The following IQSEC1 variants were observed in gnomAD, a reference collection of about 807,000 sequenced individuals.
IQSEC1 encodes IQ motif and Sec7 domain ArfGEF 1, also known as IQ motif and SEC7 domain-containing protein 1.
Under a neutral mutation model 91.0 loss-of-function variants are expected in IQSEC1, and 31 were observed. The ratio of observed to expected loss-of-function variants is 0.34; its 90% confidence interval spans 0.26 to 0.46. The LOEUF (loss-of-function observed/expected upper bound fraction) is 0.46. Among genes scored for constraint, IQSEC1 ranks in the 20% least tolerant of loss-of-function variants. The pLI, the probability that IQSEC1 is intolerant of heterozygous loss-of-function variation, is 1.00. For synonymous variants in IQSEC1, 699 were observed against 662.6 expected, an observed-to-expected ratio of 1.05 and a Z score of -0.84; for missense variants, 1,388 against 1,575.6, an observed-to-expected ratio of 0.88 and a Z score of 2.02.
At chr3:12,976,714 T>C (rs1576093801) in intron 1 of IQSEC1, among the ~76,000 whole-genome samples, 1 of 152,340 alleles carries the variant, frequency 6.6e-6, no homozygotes, top group African/African-American at 2.4e-5. Flanking sequence ...CACCAGAAAG[T>C]AGCTCTGCAA....
intron 2 of IQSEC1, among the ~76,000 whole-genome samples, chr3:13,115,995 C>A (rs974869823): frequency 6.6e-6 from 1 of 152,212 alleles, no homozygotes; most frequent in African/African-American, 2.4e-5. Flanking sequence ...CCTGCAATTA[C>A]GCCCCCTCAG....
intron 1 of IQSEC1, among the ~76,000 whole-genome samples, chr3:13,040,917 G>A (rs548752739): frequency 5.9e-4 from 90 of 152,226 alleles, no homozygotes; most frequent in African/African-American, 2.1e-3. Context: ...GTGGAGCAGG[G>A]TCTGTCCCTC....
chr3:12,952,798 A>G (rs1051138804), intron 1 of IQSEC1, among the ~76,000 whole-genome samples: 11 of 152,288 alleles, frequency 7.2e-5, no homozygotes, highest in African/African-American at 2.6e-4. Flanking sequence ...CACTCCATCC[A>G]GGTCTCTGAA....
At chr3:12,931,089 A>G (rs1016262516) in intron 3 of IQSEC1, among the ~76,000 whole-genome samples, 1 of 152,154 alleles carries the variant, frequency 6.6e-6, no homozygotes, top group Non-Finnish European at 1.5e-5. Flanking sequence ...TATTGATCCC[A>G]GAGAGAAGGC....
At chr3:13,067,284 T>A (rs1705267893) in intron 1 of IQSEC1, among the ~76,000 whole-genome samples, 1 of 152,138 alleles carries the variant, frequency 6.6e-6, no homozygotes, top group Non-Finnish European at 1.5e-5. Context: ...GGCTGTGTCG[T>A]CAGTAGGCTT....
intron 1 of IQSEC1, among the ~76,000 whole-genome samples, chr3:12,952,538 C>T (rs1224933028): frequency 3.3e-5 from 5 of 152,186 alleles, no homozygotes; most frequent in Admixed American, 3.3e-4. Flanking sequence ...CCTCTCCACC[C>T]AGCAACTGAG....
intron 1 of IQSEC1, among the ~76,000 whole-genome samples, chr3:13,190,651 T>C (rs1379625490): frequency 6.6e-6 from 1 of 152,196 alleles, no homozygotes; most frequent in Non-Finnish European, 1.5e-5. Flanking sequence ...AAGGATGGAA[T>C]GACACTGTCT....
intron 1 of IQSEC1, among the ~76,000 whole-genome samples, chr3:13,037,680 C>T (rs1423075171): frequency 1.3e-5 from 2 of 152,144 alleles, no homozygotes; most frequent in African/African-American, 4.8e-5. Context: ...ATGATTCAGC[C>T]TTAAAAGGAA....
intron 1 of IQSEC1, among the ~76,000 whole-genome samples, chr3:13,195,869 T>C (rs1196113798): frequency 2.6e-5 from 4 of 152,192 alleles, no homozygotes; most frequent in Admixed American, 6.5e-5. Flanking sequence ...GGTATCAGTA[T>C]CAATAATACT....
intron 1 of IQSEC1, among the ~76,000 whole-genome samples, chr3:13,234,747 G>A (rs143347976): frequency 5.1e-4 from 78 of 152,254 alleles, no homozygotes; most frequent in Non-Finnish European, 8.1e-4. Context: ...CACAACTCTC[G>A]GGTGTGACTA....
Position 13,037,402 on chromosome 3 carries a change from C to T in IQSEC1, c.23+35590G>A, listed in dbSNP as rs1009051171. Among the ~76,000 whole-genome samples the T allele has an allele frequency of 3.9e-5, 6 of 152,292 alleles. No homozygotes were observed. The Middle Eastern group carries it at 0.014, about 345-fold the overall frequency. Reference sequence around the variant, plus strand: ...GGGACATCACCAAAATACACAAGAACAGGAGAGCAGATACTTAGACCGGGG... The same window carrying T: ...GGGACATCACCAAAATACACAAGAATAGGAGAGCAGATACTTAGACCGGGG... On this transcript the variant is annotated intron_variant, in intron 1 of 13. Coordinates refer to ENST00000613206, the MANE Select transcript of IQSEC1 (RefSeq NM_001134382.3).
At chr3:13,072,633 G>A (rs1705473860) in intron 1 of IQSEC1, among the ~76,000 whole-genome samples, 1 of 152,368 alleles carries the variant, frequency 6.6e-6, no homozygotes, top group East Asian at 1.9e-4. Context: ...CCATGGGCGT[G>A]CTGGGCAGAG....
intron 1 of IQSEC1, among the ~76,000 whole-genome samples, chr3:13,253,998 C>T (rs772579717): frequency 3.3e-5 from 5 of 152,214 alleles, no homozygotes; most frequent in Admixed American, 6.5e-5. Context: ...ACAGGTGATG[C>T]GCCACTCAGG....
In IQSEC1 at chr3:12,935,740, G is replaced by A. The variant is rs551318496; in HGVS notation, c.1276C>T (p.Arg426Trp). 7.5e-6 allele frequency: 12 copies of A among 1,610,656 alleles called. No individual in the cohort carries two copies. Among genetic ancestry groups the A allele is most frequent in the African/African-American group, 4.0e-5 (3 of 74,996 alleles). ...LPREEPELRPRPPRPLDSHLA... is the reference protein window; with the variant it reads ...LPREEPELRPWPPRPLDSHLA... ...TGGCTGTCCAGGGGCCTGGGGGGCC[G>A]GGGCCGCAACTCAGGCTCCTCCCGG... The change falls in exon 3 of 14, where the codon CGG (arginine) becomes TGG (tryptophan). Residue 426 changes from arginine to tryptophan, a missense_variant. Arg to Trp is a moderately radical substitution (Grantham distance 101). Coordinates refer to ENST00000613206, the MANE Select transcript of IQSEC1 (RefSeq NM_001134382.3). The surrounding 1 kb of genome is among the most constrained non-coding windows in gnomAD (Gnocchi z 8.0).
intron 1 of IQSEC1, among the ~76,000 whole-genome samples, chr3:12,943,023 G>A (rs757966773): frequency 2.6e-5 from 4 of 152,338 alleles, no homozygotes; most frequent in South Asian, 2.1e-4. Context: ...GTGTCACGGC[G>A]AATTTGGAAA....
At chr3:13,112,078 C>T (rs1164430278) in intron 2 of IQSEC1, among the ~76,000 whole-genome samples, 2 of 152,200 alleles carry the variant, frequency 1.3e-5, no homozygotes, top group Non-Finnish European at 2.9e-5. Flanking sequence ...GGTGGGCTGC[C>T]CTGCCTTCCA....
intron 2 of IQSEC1, among the ~76,000 whole-genome samples, chr3:13,129,469 T>C (rs1306883580): frequency 3.3e-5 from 5 of 152,208 alleles, no homozygotes; most frequent in African/African-American, 4.8e-5. Context: ...TTTTCTGTTT[T>C]TCATTTCATT....
intron 2 of IQSEC1, among the ~76,000 whole-genome samples, chr3:13,144,360 G>A (rs535319873): frequency 1.3e-5 from 2 of 152,326 alleles, no homozygotes; most frequent in Admixed American, 1.3e-4. Context: ...CCACGTGGCT[G>A]TCAGGAGACT....
intron 2 of IQSEC1, among the ~76,000 whole-genome samples, chr3:13,141,907 C>T (rs1236350849): frequency 6.6e-6 from 1 of 152,230 alleles, no homozygotes; most frequent in Admixed American, 6.5e-5. Flanking sequence ...ACTGTCAGAG[C>T]TGGGAGAGCC....
Sources: allele counts gnomAD v4.1 joint callset (sites outside exome capture counted in the v4.1 genomes callset), GRCh38; gene constraint gnomAD v4.1.1; non-coding constraint Gnocchi (gnomAD v3.1); transcripts MANE v1.5; gene names NCBI Gene and HGNC (gene_info 2026-07-23, HGNC 2026-07-21).